Variants in PCDH15 observed in about 807,000 individuals in gnomAD.
PCDH15 encodes the protein protocadherin related 15, also known as protocadherin-15.
A neutral mutation model predicts 178.5 loss-of-function variants in PCDH15; 129 were observed. That is an observed-to-expected ratio of 0.72 (90% CI 0.63 to 0.84). The LOEUF is 0.84. Among genes scored for constraint, PCDH15 ranks in the 40% least tolerant of loss-of-function variants. The pLI, the probability that PCDH15 is intolerant of heterozygous loss-of-function variation, is 0.00. For synonymous variants in PCDH15, 800 were observed against 732.0 expected (o/e 1.09, Z -1.50); for missense variants, 2,230 against 2,099.9 (o/e 1.06, Z -1.21).
intron 7 of PCDH15, among the ~76,000 whole-genome samples, chr10:54,327,589 A>AT (rs1238702447): frequency 2.0e-5 from 3 of 152,020 alleles, no homozygotes; most frequent in Non-Finnish European, 4.4e-5. Context: ...CTATCTAGGT[A>AT]TCTATCTATA....
At chr10:55,539,347 A>G (rs1426308089) in intron 2 of PCDH15, among the ~76,000 whole-genome samples, 2 of 151,982 alleles carry the variant, frequency 1.3e-5, no homozygotes, top group African/African-American at 4.8e-5. Flanking sequence ...TATCATTATC[A>G]TCATCATTAT....
At chr10:54,915,193 G>A (rs1219555469) in intron 2 of PCDH15, among the ~76,000 whole-genome samples, 1 of 152,190 alleles carries the variant, frequency 6.6e-6, no homozygotes, top group Non-Finnish European at 1.5e-5. Context: ...ATAAATTAGA[G>A]TGCTGTCATG....
intron 2 of PCDH15, among the ~76,000 whole-genome samples, chr10:55,333,543 T>C (rs116696175): frequency 0.018 from 2,692 of 152,202 alleles, 92 homozygotes; most frequent in African/African-American, 0.061. Context: ...TTGGTTAATA[T>C]TTGATGCTGT....
intron 3 of PCDH15, among the ~76,000 whole-genome samples, chr10:54,424,077 A>C (rs1955908053): frequency 6.6e-6 from 1 of 151,940 alleles, no homozygotes; most frequent in Admixed American, 6.6e-5. Flanking sequence ...GTGAACAGGC[A>C]ACCTACAGAA....
intron 3 of PCDH15, among the ~76,000 whole-genome samples, chr10:54,455,395 G>A (rs2076749978): frequency 6.6e-6 from 1 of 152,162 alleles, no homozygotes; most frequent in Non-Finnish European, 1.5e-5. Context: ...CTAGAGATGT[G>A]TTGAACGGTT....
chr10:54,711,569 A>G (rs1275184561), intron 1 of PCDH15, among the ~76,000 whole-genome samples: 2 of 151,916 alleles, frequency 1.3e-5, no homozygotes, highest in South Asian at 2.1e-4. Context: ...CTGAGTAGGT[A>G]TAGACCTTAA....
At chr10:55,396,495 G>T (rs1314666700) in intron 2 of PCDH15, among the ~76,000 whole-genome samples, 2 of 152,184 alleles carry the variant, frequency 1.3e-5, no homozygotes, top group South Asian at 4.1e-4. Context: ...ACATCAAGGT[G>T]ACATCCGATA....
At chr10:54,723,975 T>A (rs181997429) in intron 1 of PCDH15, among the ~76,000 whole-genome samples, 141 of 151,870 alleles carry the variant, frequency 9.3e-4, no homozygotes, top group African/African-American at 3.3e-3. Context: ...TTAAAAACAG[T>A]ATGTAGATTT....
At chr10:53,844,040 A>G (rs558776674) in intron 28 of PCDH15, among the ~76,000 whole-genome samples, 1 of 151,706 alleles carries the variant, frequency 6.6e-6, no homozygotes, top group Admixed American at 6.6e-5. Flanking sequence ...CAAAAACTTT[A>G]GGGAACAATG....
chr10:54,389,770 C>A (rs1258332929), intron 3 of PCDH15, among the ~76,000 whole-genome samples: 1 of 144,332 alleles, frequency 6.9e-6, no homozygotes. Flanking sequence ...GAAACACCAT[C>A]TCTAATAAAA....
At chr10:55,130,625 CTTTG>C (rs550449868) in intron 2 of PCDH15, among the ~76,000 whole-genome samples, 334 of 151,770 alleles carry the variant, frequency 2.2e-3, no homozygotes, top group African/African-American at 7.7e-3. Flanking sequence ...GTAACAAACC[CTTTG>C]TTTGTTACTT....
At chr10:54,760,577 T>C (rs549442576) in intron 1 of PCDH15, among the ~76,000 whole-genome samples, 2 of 152,306 alleles carry the variant, frequency 1.3e-5, no homozygotes, top group African/African-American at 4.8e-5. Flanking sequence ...GACTGTGTTT[T>C]TAACAGCAGT....
chr10:54,625,965 A>C (rs1214683310), intron 2 of PCDH15, among the ~76,000 whole-genome samples: 2 of 152,186 alleles, frequency 1.3e-5, no homozygotes, highest in East Asian at 3.9e-4. Context: ...AGGTGGTCTC[A>C]GTTGGAGATG....
At chr10:54,989,163 A>G (rs1265298619) in intron 2 of PCDH15, among the ~76,000 whole-genome samples, 3 of 152,188 alleles carry the variant, frequency 2.0e-5, no homozygotes, top group Non-Finnish European at 2.9e-5. Flanking sequence ...CTCTGCCGAG[A>G]TTTCAGAAGA....
At chr10:54,195,220 A>T (rs964675115) in intron 11 of PCDH15, among the ~76,000 whole-genome samples, 8 of 152,194 alleles carry the variant, frequency 5.3e-5, no homozygotes, top group African/African-American at 1.7e-4. Flanking sequence ...GCATCCACAT[A>T]GTCACTGGCA....
At position 54,872,242 on chromosome 10, in the gene PCDH15, C is replaced by T. The variant is rs1030571636; in HGVS notation, c.-29+25208G>A. 6.6e-5 allele frequency among the ~76,000 whole-genome samples: 10 copies of T among 151,720 alleles called. No individual in the cohort carries two copies. In the South Asian group the frequency reaches 2.1e-3, roughly 32 times the overall value. ...GCTTCATATGGCAAAAAAGTGAATGCCTGAGGTGTTCATTTATTTCTTTTA... is the reference window on the plus strand; with the variant it reads ...GCTTCATATGGCAAAAAAGTGAATGTCTGAGGTGTTCATTTATTTCTTTTA... On this transcript the variant is annotated intron_variant, in intron 3 of 5. Transcript: ENST00000458638.
chr10:54,996,907 G>T (rs1011075974), intron 2 of PCDH15, among the ~76,000 whole-genome samples: 1 of 151,972 alleles, frequency 6.6e-6, no homozygotes, highest in Non-Finnish European at 1.5e-5. Context: ...TCAGGAGTTC[G>T]AGACCAGCCT....
At chr10:55,212,126 G>A (rs1840586256) in intron 1 of PCDH15, among the ~76,000 whole-genome samples, 1 of 152,026 alleles carries the variant, frequency 6.6e-6, no homozygotes, top group Admixed American at 6.5e-5. Flanking sequence ...GTAAAGAAAT[G>A]GGCAACATGG....
chr10:53,871,645 T>C (rs2079865600), intron 26 of PCDH15, among the ~76,000 whole-genome samples: 1 of 152,182 alleles, frequency 6.6e-6, no homozygotes, highest in Non-Finnish European at 1.5e-5. Context: ...TCAGACATAT[T>C]ATCACACAAT....
Sources: gnomAD v4.1 joint callset for allele counts (sites outside exome capture counted in the v4.1 genomes callset) on GRCh38, gnomAD v4.1.1 for gene constraint, MANE v1.5 for transcripts, NCBI Gene and HGNC (gene_info 2026-07-23, HGNC 2026-07-21) for gene names.